INPP5K: variants seen among roughly 807,000 people sequenced by gnomAD.
INPP5K encodes inositol polyphosphate-5-phosphatase K, also known as inositol polyphosphate 5-phosphatase K.
In INPP5K, 35 loss-of-function variants were observed where a neutral mutation model predicts 53.5. The observed-to-expected ratio is 0.65, with a 90% CI of 0.50 to 0.87. The LOEUF (loss-of-function observed/expected upper bound fraction) is 0.87. INPP5K is among the 40% of genes least tolerant of loss of function. The pLI, the probability that INPP5K is intolerant of heterozygous loss-of-function variation, is 0.00. For synonymous variants in INPP5K, 253 were observed against 232.8 expected, an observed-to-expected ratio of 1.09 and a Z score of -0.79; for missense variants, 550 against 586.2, an observed-to-expected ratio of 0.94 and a Z score of 0.64.
At chr17:1,502,633 G>A (rs569787878) in intron 7 of INPP5K, among the ~76,000 whole-genome samples, 1 of 151,936 alleles carries the variant, frequency 6.6e-6, no homozygotes, top group East Asian at 1.9e-4. Context: ...GGGGATATGA[G>A]AAATAGGATG....
rs2075357811 is a variant in INPP5K at position 1,513,549 on chromosome 17, C to A, written c.165G>T (p.Leu55Phe). The change falls in exon 3 of 12, where the codon TTG (leucine) becomes TTT (phenylalanine). Residue 55 changes from leucine to phenylalanine, a missense_variant. Physicochemically the swap from Leu to Phe is conservative, Grantham distance 22. Transcript: ENST00000421807. Reference sequence around the variant, plus strand: ...AAAGGAGGCTTATGATCCCAGAGTTCAATTCCTGCAAACTGACCATGCCAG... The same window carrying A: ...AAAGGAGGCTTATGATCCCAGAGTTAAATTCCTGCAAACTGACCATGCCAG... ...LDIYVIGLQE[L>F]NSGIISLLSD... 4 of 1,614,236 alleles carry A rather than the reference C, an allele frequency of 2.5e-6. No individual in the cohort carries two copies. Among genetic ancestry groups the A allele is most frequent in the Non-Finnish European group, 3.4e-6 (4 of 1,180,024 alleles).
intron 7 of INPP5K, among the ~76,000 whole-genome samples, chr17:1,504,903 G>A (rs536236094): frequency 5.5e-4 from 84 of 152,338 alleles, no homozygotes; most frequent in Non-Finnish European, 1.0e-3. Flanking sequence ...GTGGGCTACA[G>A]ACTCAGAGAT....
intron 1 of INPP5K, chr17:1,516,078 G>A (rs2075427614): frequency 2.7e-6 from 3 of 1,112,066 alleles, no homozygotes; most frequent in Middle Eastern, 3.8e-4. Flanking sequence ...TCGGATTCCC[G>A]GGGTTCACCA....
intron 1 of INPP5K, 122 bp from the exon 2 acceptor site, chr17:1,514,101 T>C: frequency 1.9e-6 from 1 of 516,464 alleles, no homozygotes; most frequent in Non-Finnish European, 3.4e-6. Context: ...GGTGGGCGGA[T>C]CACCTGAGGT....
At chr17:1,500,625 A>G (rs1240084356) in intron 7 of INPP5K, among the ~76,000 whole-genome samples, 1 of 152,194 alleles carries the variant, frequency 6.6e-6, no homozygotes. Flanking sequence ...TTGGCCTCCC[A>G]AAGTGCTGGA....
intron 7 of INPP5K, among the ~76,000 whole-genome samples, chr17:1,502,137 CA>C (rs1381947821): frequency 1.3e-5 from 2 of 151,906 alleles, no homozygotes; most frequent in Non-Finnish European, 2.9e-5. Context: ...ATCATGAGGT[CA>C]GGACATGGAG....
chr17:1,513,784 C>T (rs2075365991), intron 2 of INPP5K, 88 bp downstream of exon 2: 25 of 1,096,800 alleles, frequency 2.3e-5, no homozygotes, highest in South Asian at 1.9e-4. Flanking sequence ...CCTTCAGACT[C>T]CAGAGCGGAG....
intron 7 of INPP5K, among the ~76,000 whole-genome samples, chr17:1,505,573 G>A (rs114488312): frequency 0.022 from 3,339 of 152,188 alleles, 127 homozygotes; most frequent in African/African-American, 0.075. Flanking sequence ...CCTCTTCTGT[G>A]GACGGCCCTG....
At position 1,509,805 on chromosome 17, in the gene INPP5K, GGA is replaced by G; in HGVS notation, c.262-8_262-7del. On this transcript the variant is annotated splice_polypyrimidine_tract_variant and splice_region_variant and intron_variant, in intron 3 of 11. Transcript: ENST00000421807. ...TGCATACGGACATGGGAGACCTGCA[GGA>G]GAGAGAGGGCAAAGGTCGCTCATTA... is the stretch of plus-strand genomic sequence containing the variant. The G allele has an allele frequency of 6.4e-7, 1 of 1,569,476 alleles. No homozygotes were observed. Among genetic ancestry groups the G allele is most frequent in the Non-Finnish European group, 8.8e-7 (1 of 1,140,932 alleles).
At chr17:1,515,891 A>G in intron 1 of INPP5K, 2 of 985,090 alleles carry the variant, frequency 2.0e-6, no homozygotes, top group Non-Finnish European at 2.4e-6. Flanking sequence ...GACTCACTCT[A>G]AGAGGATGGA....
Position 1,496,407 on chromosome 17 carries a change from GA to G in INPP5K, c.1102-6del. The G allele has an allele frequency of 6.4e-7, 1 of 1,557,406 alleles. No individual in the cohort carries two copies. Among genetic ancestry groups the G allele is most frequent in the South Asian group, 1.2e-5 (1 of 84,648 alleles). On this transcript the variant is annotated splice_region_variant and splice_polypyrimidine_tract_variant and intron_variant, in intron 9 of 11. Coordinates refer to ENST00000421807, the MANE Select transcript of INPP5K (RefSeq NM_016532.4). Reference sequence around the variant, plus strand: ...ATTAACGTCCCGCAGCCCCACCTGTGAGGGGGAGTCAGGCCATCAGTGGTCA... The same window carrying G: ...ATTAACGTCCCGCAGCCCCACCTGTGGGGGGAGTCAGGCCATCAGTGGTCA...
Position 1,516,559 on chromosome 17 carries a change from C to G in INPP5K, c.-60G>C. The G allele has an allele frequency of 6.6e-6, 10 of 1,505,720 alleles. No homozygotes were observed. The highest frequency in any genetic ancestry group is 1.3e-5 in the South Asian group (1 of 79,738). The allele number at this position is 1,505,720 out of a possible 1,614,324, so 93.3% of individuals were successfully genotyped here. A position where few individuals can be genotyped will look rare whatever the true frequency, so the allele number is the denominator to read the frequency against. ...TTCGCGTCTCCCGGCCAGCGGGTCC[C>G]GGCCAGAGCAGCCCTGCGGGCGGCC... On this transcript the variant is annotated 5_prime_UTR_variant, in exon 1 of 12. Transcript: ENST00000421807.
intron 8 of INPP5K, 99 bp from the exon 9 acceptor site, chr17:1,496,902 G>A (rs939578627): frequency 5.8e-5 from 76 of 1,299,424 alleles, no homozygotes; most frequent in Non-Finnish European, 7.7e-5. Context: ...AGTGGGGAAG[G>A]TGGGGCACCC....
chr17:1,515,821 C>G (rs943313362), intron 1 of INPP5K: 1 of 817,584 alleles, frequency 1.2e-6, no homozygotes, highest in East Asian at 1.2e-4. Flanking sequence ...ACGATCTCCC[C>G]CTGCTGTCCG....
intron 2 of INPP5K, 38 bp from the exon 3 acceptor site, chr17:1,513,599 C>A: frequency 6.5e-7 from 1 of 1,530,444 alleles, no homozygotes; most frequent in South Asian, 1.1e-5. Flanking sequence ...CCCTGGCCTC[C>A]AGGCTACTTC....
chr17:1,506,889 C>G lies in INPP5K; in HGVS notation c.776+91G>C, dbSNP rs187406358. The G allele has an allele frequency of 1.2e-4, 110 of 884,228 alleles. 1 individual carries two copies. Among genetic ancestry groups the G allele is most frequent in the African/African-American group, 4.8e-4 (29 of 60,542 alleles). The allele number at this position is 884,228 out of a possible 1,614,324, so 54.8% of individuals were successfully genotyped here. On this transcript the variant is annotated intron_variant, in intron 7 of 11. Transcript: ENST00000421807. ...GATGACTAGACCAATTCCTGCCCCC[C>G]CTAACACTTCTATTCTGAGACAGTT...
At chr17:1,499,545 T>C (rs1175331432) in intron 7 of INPP5K, among the ~76,000 whole-genome samples, 1 of 152,170 alleles carries the variant, frequency 6.6e-6, no homozygotes, top group Non-Finnish European at 1.5e-5. Flanking sequence ...CACTTGCCAG[T>C]TTCCCTGAGG....
In INPP5K at chr17:1,495,743, G is replaced by A. The variant is rs1393474189; in HGVS notation, c.*80C>T. On this transcript the variant is annotated 3_prime_UTR_variant, in exon 12 of 12. Transcript: ENST00000421807. ...CTGTCTCTTCAGGGGGCCAGGCTGG[G>A]CCCCCAGCACTCCCGGCAGTGGAAA... 1.9e-6 allele frequency: 2 copies of A among 1,028,666 alleles called. No individual in the cohort carries two copies. Among genetic ancestry groups the A allele is most frequent in the Non-Finnish European group, 3.0e-6 (2 of 672,292 alleles). 63.7% of individuals were successfully genotyped at this position (1,028,666 alleles called of 1,614,324 possible).
intron 8 of INPP5K, among the ~76,000 whole-genome samples, chr17:1,497,519 G>A (rs116604234): frequency 0.02 from 3,003 of 152,256 alleles, 128 homozygotes; most frequent in African/African-American, 0.069. Flanking sequence ...TGAAGGCTGA[G>A]GGGCAGCAGC....
Sources: gnomAD v4.1 joint callset for allele counts (sites outside exome capture counted in the v4.1 genomes callset) on GRCh38, gnomAD v4.1.1 for gene constraint, MANE v1.5 for transcripts, NCBI Gene and HGNC (gene_info 2026-07-23, HGNC 2026-07-21) for gene names.